TAS2R1: variants seen among roughly 807,000 people sequenced by gnomAD.
TAS2R1 encodes taste receptor type 2 member 1.
For missense variants in TAS2R1, 370 were observed against 353.4 expected (o/e 1.05, Z -0.38); for synonymous variants, 141 against 134.2 (o/e 1.05, Z -0.35).
At chr5:9,668,868 A>T (rs1740695148) in intron 1 of TAS2R1, among the ~76,000 whole-genome samples, 1 of 152,166 alleles carries the variant, frequency 6.6e-6, no homozygotes, top group African/African-American at 2.4e-5. Context: ...AAGTCTGCAT[A>T]ATAACCAGCT....
upstream of TAS2R1, among the ~76,000 whole-genome samples, chr5:9,633,294 T>TTTTATATATATATATATATATATATA (rs1554051825): frequency 1.2e-4 from 8 of 67,810 alleles, no homozygotes; most frequent in African/African-American, 5.7e-4. Context: ...TGTGTGTATA[T>TTTTATATATATATATATATATATATA]TATATATATA....
the TAS2R1 span, among the ~76,000 whole-genome samples, chr5:9,799,311 G>A: frequency 6.6e-6 from 1 of 152,220 alleles, no homozygotes; most frequent in Non-Finnish European, 1.5e-5. Context: ...CTAAGTATCA[G>A]TGACAATTAT....
At chr5:9,697,106 A>T (rs1741377101) in intron 1 of TAS2R1, among the ~76,000 whole-genome samples, 1 of 152,154 alleles carries the variant, frequency 6.6e-6, no homozygotes. Flanking sequence ...GAAGAGAAGG[A>T]GAGAAAGAAA....
the TAS2R1 span, among the ~76,000 whole-genome samples, chr5:9,876,116 T>C: frequency 6.6e-6 from 1 of 151,510 alleles, no homozygotes; most frequent in Non-Finnish European, 1.5e-5. Context: ...AGAAGTCTGG[T>C]AGCCCCTGAA....
upstream of TAS2R1, among the ~76,000 whole-genome samples, chr5:9,635,051 T>C (rs891968530): frequency 1.4e-4 from 21 of 152,150 alleles, no homozygotes; most frequent in African/African-American, 5.1e-4. Flanking sequence ...CTTTCAACTT[T>C]TTCTCATTCA....
At chr5:9,636,180 G>A (rs548395994) in intron 2 of TAS2R1, among the ~76,000 whole-genome samples, 3 of 151,734 alleles carry the variant, frequency 2.0e-5, no homozygotes, top group African/African-American at 4.8e-5. Context: ...TTTGCATCTC[G>A]ATTTCATTGT....
At chr5:9,643,998 A>T (rs188920555) in intron 2 of TAS2R1, among the ~76,000 whole-genome samples, 1 of 152,128 alleles carries the variant, frequency 6.6e-6, no homozygotes. Context: ...AAGAGCTTGC[A>T]GCATTCCAGG....
At chr5:9,822,496 T>C in the TAS2R1 span, among the ~76,000 whole-genome samples, 12 of 151,916 alleles carry the variant, frequency 7.9e-5, no homozygotes, top group Non-Finnish European at 1.3e-4. Flanking sequence ...ACTACAGGTG[T>C]GTGCCACCAC....
chr5:9,901,616 T>C, the TAS2R1 span, among the ~76,000 whole-genome samples: 1 of 152,002 alleles, frequency 6.6e-6, no homozygotes, highest in Admixed American at 6.6e-5. Context: ...GCAGGGTATT[T>C]TAGGGGATAA....
At chr5:9,865,767 C>T in the TAS2R1 span, among the ~76,000 whole-genome samples, 4 of 152,212 alleles carry the variant, frequency 2.6e-5, no homozygotes, top group Non-Finnish European at 5.9e-5. Flanking sequence ...AGTCAGTTGT[C>T]ACTCTTCCTG....
chr5:9,827,598 G>GCA, the TAS2R1 span, among the ~76,000 whole-genome samples: 2,050 of 147,382 alleles, frequency 0.014, 35 homozygotes, highest in African/African-American at 0.04. Context: ...GTGGTGGCAT[G>GCA]CACACACACA....
Position 9,654,293 on chromosome 5 carries a change from T to G in TAS2R1, c.-81+5128A>C, listed in dbSNP as rs75670996. On this transcript the variant is annotated intron_variant, in intron 2 of 2. Transcript: ENST00000506620. ...AAAATAATAATAATAAGAAGAAGAA[T>G]AAGAATATTTTGTGCTGTTATTTTC... Among the ~76,000 whole-genome samples the G allele has an allele frequency of 7.1e-4, 108 of 152,136 alleles. No homozygotes were observed. The East Asian group carries it at 8.5e-3, about 12-fold the overall frequency.
the TAS2R1 span, among the ~76,000 whole-genome samples, chr5:9,840,472 C>G: frequency 6.6e-6 from 1 of 152,154 alleles, no homozygotes; most frequent in African/African-American, 2.4e-5. Context: ...TTAGGGCATG[C>G]ACTCTTCTTG....
At chr5:9,806,895 T>C in the TAS2R1 span, among the ~76,000 whole-genome samples, 6 of 151,770 alleles carry the variant, frequency 4.0e-5, no homozygotes, top group African/African-American at 1.2e-4. Flanking sequence ...AACAGATAAA[T>C]AGATGGGAAT....
At chr5:9,893,420 C>T in the TAS2R1 span, among the ~76,000 whole-genome samples, 5 of 152,100 alleles carry the variant, frequency 3.3e-5, no homozygotes, top group Admixed American at 3.3e-4. Flanking sequence ...CCAGCCCAGA[C>T]TCCTATCTCC....
At chr5:9,715,070 A>G (rs1018413492), upstream of TAS2R1, among the ~76,000 whole-genome samples, 1 of 152,228 alleles carries the variant, frequency 6.6e-6, no homozygotes, top group Non-Finnish European at 1.5e-5. Context: ...GGACTCCAGG[A>G]AGATATGTCA....
At chr5:9,879,633 A>G in the TAS2R1 span, among the ~76,000 whole-genome samples, 1 of 152,172 alleles carries the variant, frequency 6.6e-6, no homozygotes, top group Non-Finnish European at 1.5e-5. Flanking sequence ...TAATTTTTAT[A>G]ATAACCCCCA....
At chr5:9,654,900 T>G (rs1251449513) in intron 2 of TAS2R1, among the ~76,000 whole-genome samples, 1 of 152,200 alleles carries the variant, frequency 6.6e-6, no homozygotes, top group Non-Finnish European at 1.5e-5. Flanking sequence ...ATTCTACTCC[T>G]GTTATTTGTC....
intron 1 of TAS2R1, among the ~76,000 whole-genome samples, chr5:9,664,360 T>C (rs1740591226): frequency 1.3e-5 from 2 of 152,226 alleles, no homozygotes; most frequent in Admixed American, 6.5e-5. Context: ...CTGTGATGCA[T>C]TTGATGCAGA....
Sources: gnomAD v4.1 joint callset for allele counts (sites outside exome capture counted in the v4.1 genomes callset) on GRCh38, gnomAD v4.1.1 for gene constraint, MANE v1.5 for transcripts, NCBI Gene and HGNC (gene_info 2026-07-23, HGNC 2026-07-21) for gene names.